Variants in PDE4B observed in about 807,000 individuals in gnomAD.
PDE4B encodes the protein phosphodiesterase 4B, also known as 3',5'-cyclic-AMP phosphodiesterase 4B.
In PDE4B, 20 loss-of-function variants were observed where a neutral mutation model predicts 82.2. That is an observed-to-expected ratio of 0.24 (90% CI 0.17 to 0.35). PDE4B has a LOEUF of 0.35. PDE4B is among the 10% of genes least tolerant of loss of function. PDE4B has a pLI of 1.00. For missense variants in PDE4B, 655 were observed against 907.2 expected (o/e 0.72, Z 3.57); for synonymous variants, 320 against 318.9 (o/e 1.00, Z -0.04).
intron 1 of PDE4B, among the ~76,000 whole-genome samples, chr1:65,838,943 T>C (rs1188564513): frequency 6.6e-6 from 1 of 152,140 alleles, no homozygotes; most frequent in East Asian, 1.9e-4. Flanking sequence ...TTGAAGCTAG[T>C]AAGTGTTTTG....
chr1:66,236,816 C>T (rs1259172967), intron 3 of PDE4B, among the ~76,000 whole-genome samples: 45 of 152,218 alleles, frequency 3.0e-4, no homozygotes, highest in Admixed American at 2.7e-3. Context: ...GTTGTTTACA[C>T]GTGTGAGTTG....
At chr1:66,319,156 C>A (rs637428) in intron 7 of PDE4B, among the ~76,000 whole-genome samples, 10 of 152,182 alleles carry the variant, frequency 6.6e-5, no homozygotes, top group Admixed American at 5.2e-4. Context: ...TGATCTGAGA[C>A]ATCACTCAGG....
chr1:65,987,813 C>A (rs1651034278), intron 3 of PDE4B, among the ~76,000 whole-genome samples: 1 of 152,150 alleles, frequency 6.6e-6, no homozygotes, highest in Admixed American at 6.6e-5. Context: ...GGGGTTTCAC[C>A]ATGTTGGCCA....
At chr1:66,001,845 C>T (rs1360752335) in intron 3 of PDE4B, among the ~76,000 whole-genome samples, 1 of 152,238 alleles carries the variant, frequency 6.6e-6, no homozygotes, top group East Asian at 1.9e-4. Flanking sequence ...GCCTCAGCCT[C>T]CTGAGTAGCT....
chr1:66,367,590 C>A, intron 13 of PDE4B, 106 bp from the exon 14 acceptor site: 2 of 881,562 alleles, frequency 2.3e-6, no homozygotes, highest in Non-Finnish European at 3.4e-6. Context: ...GCTGGTGGTT[C>A]TTGAAATAAT....
At chr1:65,917,941 A>G (rs1280076592) in intron 2 of PDE4B, among the ~76,000 whole-genome samples, 1 of 152,232 alleles carries the variant, frequency 6.6e-6, no homozygotes, top group African/African-American at 2.4e-5. Context: ...GGACAGGCAG[A>G]TCACCTGAGG....
At chr1:65,856,683 T>C (rs1342438939) in intron 1 of PDE4B, among the ~76,000 whole-genome samples, 1 of 152,224 alleles carries the variant, frequency 6.6e-6, no homozygotes, top group Non-Finnish European at 1.5e-5. Context: ...TATAATCCTT[T>C]GGGTATATAC....
At chr1:66,124,014 CA>C (rs1557578617) in intron 3 of PDE4B, among the ~76,000 whole-genome samples, 1 of 152,138 alleles carries the variant, frequency 6.6e-6, no homozygotes, top group African/African-American at 2.4e-5. Context: ...ATACAAAAAG[CA>C]AAGCAAATGC....
At chr1:66,222,219 G>A (rs898630171) in intron 3 of PDE4B, among the ~76,000 whole-genome samples, 1 of 152,186 alleles carries the variant, frequency 6.6e-6, no homozygotes, top group East Asian at 1.9e-4. Context: ...CTCGCTGTAC[G>A]TGGTCTTCCT....
At chr1:65,836,480 C>G (rs1261345044) in intron 1 of PDE4B, among the ~76,000 whole-genome samples, 1 of 152,168 alleles carries the variant, frequency 6.6e-6, no homozygotes, top group Non-Finnish European at 1.5e-5. Context: ...TTCTGCGAGG[C>G]TGTTAACCTT....
At chr1:66,153,985 A>G (rs945853495) in intron 3 of PDE4B, among the ~76,000 whole-genome samples, 5 of 152,252 alleles carry the variant, frequency 3.3e-5, no homozygotes, top group African/African-American at 1.2e-4. Flanking sequence ...CTATCTCTAA[A>G]TGCACCTGGG....
chr1:66,209,780 T>C (rs1247249684), intron 3 of PDE4B, among the ~76,000 whole-genome samples: 1 of 152,244 alleles, frequency 6.6e-6, no homozygotes, highest in Non-Finnish European at 1.5e-5. Context: ...TAGTACAGTA[T>C]ATACTCTTTT....
At chr1:66,208,569 A>G (rs1430652087) in intron 3 of PDE4B, among the ~76,000 whole-genome samples, 6 of 152,310 alleles carry the variant, frequency 3.9e-5, no homozygotes, top group African/African-American at 1.4e-4. Flanking sequence ...TCTTAGTTAT[A>G]GGTATGAGGA....
intron 3 of PDE4B, among the ~76,000 whole-genome samples, chr1:65,982,267 C>G (rs1470944146): frequency 6.6e-6 from 1 of 152,102 alleles, no homozygotes; most frequent in African/African-American, 2.4e-5. Context: ...AAAAATAGAA[C>G]TTATAGGTGA....
intron 3 of PDE4B, among the ~76,000 whole-genome samples, chr1:66,132,594 TA>T (rs1645972572): frequency 6.6e-6 from 1 of 152,192 alleles, no homozygotes; most frequent in Non-Finnish European, 1.5e-5. Context: ...AAGAGACAAA[TA>T]ATTGTTTTAT....
chr1:65,862,921 T>C (rs1646471041), intron 1 of PDE4B, among the ~76,000 whole-genome samples: 1 of 152,202 alleles, frequency 6.6e-6, no homozygotes, highest in African/African-American at 2.4e-5. Context: ...TTTTATTGTG[T>C]CTATTTGATT....
chr1:66,066,663 A>G (rs570319729), intron 3 of PDE4B, among the ~76,000 whole-genome samples: 7 of 152,096 alleles, frequency 4.6e-5, no homozygotes, highest in African/African-American at 1.4e-4. Flanking sequence ...CTTAAAAGTT[A>G]TAGTTTCATG....
At chr1:66,015,892 T>A (rs1446670051) in intron 3 of PDE4B, among the ~76,000 whole-genome samples, 1 of 152,176 alleles carries the variant, frequency 6.6e-6, no homozygotes, top group African/African-American at 2.4e-5. Context: ...CAATTACTGT[T>A]TAAGTATTTA....
intron 6 of PDE4B, among the ~76,000 whole-genome samples, chr1:66,264,362 T>C (rs981353019): frequency 6.6e-6 from 1 of 152,222 alleles, no homozygotes; most frequent in Admixed American, 6.5e-5. Context: ...GGAAAGAGCA[T>C]GCACTTTGGG....
Sources: allele counts gnomAD v4.1 joint callset (sites outside exome capture counted in the v4.1 genomes callset), GRCh38; gene constraint gnomAD v4.1.1; transcripts MANE v1.5; gene names NCBI Gene and HGNC (gene_info 2026-07-23, HGNC 2026-07-21).